The following SNX13 variants were observed in gnomAD, a reference collection of about 807,000 sequenced individuals.
SNX13 encodes sorting nexin 13.
In SNX13, 45 loss-of-function variants were observed where a neutral mutation model predicts 133.6. The ratio of observed to expected loss-of-function variants is 0.34; its 90% confidence interval spans 0.27 to 0.43. The LOEUF (loss-of-function observed/expected upper bound fraction) is 0.43. SNX13 is among the 20% of genes least tolerant of loss of function. The pLI, the probability that SNX13 is intolerant of heterozygous loss-of-function variation, is 1.00. For synonymous variants in SNX13, 414 were observed against 373.9 expected (o/e 1.11, Z -1.24); for missense variants, 1,032 against 1,145.1 (o/e 0.90, Z 1.43).
intron 1 of SNX13, among the ~76,000 whole-genome samples, chr7:17,907,577 C>T (rs1016764921): frequency 6.6e-6 from 1 of 152,088 alleles, no homozygotes. Flanking sequence ...GAATTGCACA[C>T]CTGCAAGGCA....
intron 1 of SNX13, among the ~76,000 whole-genome samples, chr7:17,912,638 C>A (rs1799110793): frequency 6.6e-6 from 1 of 152,164 alleles, no homozygotes; most frequent in Non-Finnish European, 1.5e-5. Context: ...TCTTGAACTT[C>A]TGACCTCAAG....
chr7:17,803,287 T>G, intron 21 of SNX13, 132 bp downstream of exon 21: 1 of 766,022 alleles, frequency 1.3e-6, no homozygotes, highest in Non-Finnish European at 1.9e-6. Flanking sequence ...TTATTCTTTA[T>G]GAGACTATGT....
At chr7:17,913,760 C>CAAAAAAAAAAAAAAAAAAAAAAAAA (rs71010278) in intron 1 of SNX13, among the ~76,000 whole-genome samples, 26 of 54,014 alleles carry the variant, frequency 4.8e-4, no homozygotes, top group East Asian at 7.7e-4. Context: ...TTAACAAAAA[C>CAAAAAAAAAAAAAAAAAAAAAAAAA]AAAAAAAAAA....
chr7:17,801,071 G>A (rs1784596312), intron 22 of SNX13, among the ~76,000 whole-genome samples: 1 of 82,022 alleles, frequency 1.2e-5, no homozygotes, highest in Non-Finnish European at 2.5e-5. Flanking sequence ...TCCTGATACA[G>A]CAATTTCATT....
chr7:17,877,279 G>A (rs760013166), intron 5 of SNX13, among the ~76,000 whole-genome samples: 2 of 151,926 alleles, frequency 1.3e-5, no homozygotes, highest in Non-Finnish European at 2.9e-5. Flanking sequence ...TAAGAGCCAT[G>A]CATATAAGCA....
At position 17,792,615 on chromosome 7, in the gene SNX13, T is replaced by C. The variant is rs1783657570; in HGVS notation, c.*1430A>G. 6.6e-6 allele frequency: 1 copy of C among 152,408 alleles called. No individual in the cohort carries two copies. Among genetic ancestry groups the C allele is most frequent in the Admixed American group, 6.6e-5 (1 of 15,220 alleles). 9.4% of individuals were successfully genotyped at this position (152,408 alleles called of 1,614,324 possible). ...CCCTTTATCTTAAGCACCCAGACTT[T>C]CTTTTAATACCAGGATCTTGGCTCA... On this transcript the variant is annotated 3_prime_UTR_variant, in exon 26 of 26. Coordinates refer to ENST00000428135, the MANE Select transcript of SNX13 (RefSeq NM_015132.5).
chr7:17,862,784 C>T (rs565629313), intron 9 of SNX13, among the ~76,000 whole-genome samples: 1 of 152,154 alleles, frequency 6.6e-6, no homozygotes, highest in South Asian at 2.1e-4. Flanking sequence ...TGGAGGAGGC[C>T]GAGCAAGGTG....
intron 22 of SNX13, among the ~76,000 whole-genome samples, chr7:17,801,009 CATATATATATATATATATATAT>C (rs71010273): frequency 1.1e-3 from 137 of 120,222 alleles, no homozygotes; most frequent in African/African-American, 2.0e-3. Flanking sequence ...TAAAACTGAA[CATATATATATATATATATATAT>C]ATATATATAT....
chr7:17,850,750 T>C (rs1791104371), intron 10 of SNX13, 76 bp downstream of exon 10: 1 of 1,167,350 alleles, frequency 8.6e-7, no homozygotes, highest in Non-Finnish European at 1.2e-6. Flanking sequence ...AAATGACATT[T>C]AGGTAAATTA....
chr7:17,805,688 A>T (rs1785211670), intron 20 of SNX13, among the ~76,000 whole-genome samples: 2 of 152,210 alleles, frequency 1.3e-5, no homozygotes, highest in Non-Finnish European at 2.9e-5. Flanking sequence ...AATGAATACT[A>T]TCTCACATGC....
chr7:17,918,223 GCCAAAGAATTT>G (rs1197460559), intron 1 of SNX13, among the ~76,000 whole-genome samples: 2 of 152,088 alleles, frequency 1.3e-5, no homozygotes, highest in Non-Finnish European at 2.9e-5. Flanking sequence ...CATTGGCTTA[GCCAAAGAATTT>G]ATAAGTCCTC....
In SNX13 at chr7:17,791,956, A is replaced by C. The variant is rs1240602934; in HGVS notation, c.*2089T>G. On this transcript the variant is annotated 3_prime_UTR_variant, in exon 26 of 26. Coordinates refer to ENST00000428135, the MANE Select transcript of SNX13 (RefSeq NM_015132.5). Reference sequence around the variant, plus strand: ...AATTACTTTAAAAATCCATTTACTCAAATAGTTTTTGGTATGATTGCAGTT... The same window carrying C: ...AATTACTTTAAAAATCCATTTACTCCAATAGTTTTTGGTATGATTGCAGTT... 1 of 152,088 alleles carries C rather than the reference A, an allele frequency of 6.6e-6. No individual in the cohort carries two copies. The highest frequency in any genetic ancestry group is 1.5e-5 in the Non-Finnish European group (1 of 67,968). 9.4% of individuals were successfully genotyped at this position (152,088 alleles called of 1,614,324 possible). A position where few individuals can be genotyped will look rare whatever the true frequency, so the allele number is the denominator to read the frequency against.
chr7:17,798,933 G>T, intron 23 of SNX13, 76 bp downstream of exon 23: 1 of 1,509,796 alleles, frequency 6.6e-7, no homozygotes, highest in South Asian at 1.3e-5. Flanking sequence ...TACAAAGGTT[G>T]AGCAATCTAC....
At position 17,808,401 on chromosome 7, in the gene SNX13, G is replaced by C. The variant is rs1785574195; in HGVS notation, c.2065-4821C>G. On this transcript the variant is annotated intron_variant, in intron 20 of 25. Coordinates refer to ENST00000428135, the MANE Select transcript of SNX13 (RefSeq NM_015132.5). ...GAAATAAAGTGTGAAGACAAGATTA[G>C]AGAAAAAAGAATGAAAAGAAACGAA... Among the ~76,000 whole-genome samples the C allele has an allele frequency of 2.6e-5, 4 of 152,220 alleles. No homozygotes were observed. In the South Asian group the frequency reaches 6.2e-4, roughly 24 times the overall value.
Position 17,842,699 on chromosome 7 carries a change from T to G in SNX13, c.1166-2699A>C, listed in dbSNP as rs188324825. 1.8e-4 allele frequency among the ~76,000 whole-genome samples: 28 copies of G among 152,180 alleles called. 1 individual carries two copies. The highest frequency in any genetic ancestry group is 1.2e-3 in the Admixed American group (19 of 15,266). ...TACTTTGTTACTGCACATCCTGGTT[T>G]CTACATAATTTACAAAAGTAACTCA... On this transcript the variant is annotated intron_variant, in intron 12 of 25. Transcript: ENST00000428135.
intron 8 of SNX13, among the ~76,000 whole-genome samples, chr7:17,869,134 C>A (rs1303068461): frequency 2.6e-5 from 4 of 152,046 alleles, no homozygotes; most frequent in Admixed American, 2.0e-4. Context: ...TTAAATAAAT[C>A]TTGATCATTC....
chr7:17,919,718 A>G (rs1403880402), intron 1 of SNX13, among the ~76,000 whole-genome samples: 2 of 152,238 alleles, frequency 1.3e-5, no homozygotes, highest in African/African-American at 2.4e-5. Context: ...AGGAGGAGGA[A>G]AGCGAAACAA....
Position 17,845,666 on chromosome 7 carries a change from T to C in SNX13, c.1094A>G (p.Asn365Ser). The change falls in exon 12 of 26, where the codon AAC becomes AGC. Residue 365 changes from asparagine to serine, a missense_variant. Transcript: ENST00000428135. ...KEINTVKLAANFGKLCTVPLD... is the reference protein window; with the variant it reads ...KEINTVKLAASFGKLCTVPLD... ...GGGGACTGTGCAAAGTTTCCCAAAG[T>C]TTGCTGCAAGTTTCACAGTATTTAT... is the stretch of plus-strand genomic sequence containing the variant. 1 of 1,600,906 alleles carries C rather than the reference T, an allele frequency of 6.2e-7. No homozygotes were observed. Among genetic ancestry groups the C allele is most frequent in the Non-Finnish European group, 8.5e-7 (1 of 1,173,936 alleles).
chr7:17,898,772 G>A (rs965421051), intron 1 of SNX13: 3 of 152,140 alleles, frequency 2.0e-5, no homozygotes, highest in Admixed American at 6.5e-5. Flanking sequence ...TATTTAGGGA[G>A]ACATATAATA....
Sources: gnomAD v4.1 joint callset for allele counts (sites outside exome capture counted in the v4.1 genomes callset) on GRCh38, gnomAD v4.1.1 for gene constraint, MANE v1.5 for transcripts, NCBI Gene and HGNC (gene_info 2026-07-23, HGNC 2026-07-21) for gene names.